DDX46: variants seen among roughly 807,000 people sequenced by gnomAD.
DDX46 encodes the protein probable ATP-dependent RNA helicase DDX46.
A neutral mutation model predicts 134.9 loss-of-function variants in DDX46; 30 were observed. That is an observed-to-expected ratio of 0.22 (90% CI 0.17 to 0.30). DDX46 has a LOEUF of 0.30. Among genes scored for constraint, DDX46 ranks in the 10% least tolerant of loss-of-function variants. DDX46 has a pLI of 1.00. For missense variants in DDX46, 622 were observed against 1,248.7 expected (o/e 0.50, Z 7.56); for synonymous variants, 415 against 404.1 (o/e 1.03, Z -0.32).
intron 12 of DDX46, chr5:134,790,079 T>C (rs1267091203): frequency 2.2e-6 from 1 of 460,108 alleles, no homozygotes; most frequent in Non-Finnish European, 4.4e-6. Flanking sequence ...ACACATACGC[T>C]GTAATCTCTA....
intron 15 of DDX46, chr5:134,797,296 C>G (rs759341290): frequency 4.0e-5 from 8 of 202,116 alleles, no homozygotes; most frequent in Non-Finnish European, 7.1e-5. Flanking sequence ...AATTTAGTTG[C>G]AATAGTTACT....
chr5:134,780,098 ATGTG>A (rs71583216), intron 6 of DDX46, among the ~76,000 whole-genome samples: 7,092 of 139,472 alleles, frequency 0.051, 160 homozygotes, highest in East Asian at 0.069. Context: ...AAAAAAATAT[ATGTG>A]TGTGTGTGTG....
chr5:134,779,928 A>G (rs1469271154), intron 6 of DDX46, among the ~76,000 whole-genome samples: 1 of 152,188 alleles, frequency 6.6e-6, no homozygotes, highest in African/African-American at 2.4e-5. Context: ...GCAAAATGCC[A>G]TCTCTACTAA....
At chr5:134,788,489 A>G (rs764955990) in intron 11 of DDX46, 24 bp from the exon 12 acceptor site, 190 of 1,599,054 alleles carry the variant, frequency 1.2e-4, no homozygotes, top group South Asian at 1.0e-3. Flanking sequence ...GTAATAGACT[A>G]TAAAGTTTCA....
intron 22 of DDX46, among the ~76,000 whole-genome samples, chr5:134,828,074 T>C (rs1201513907): frequency 6.6e-6 from 1 of 152,228 alleles, no homozygotes; most frequent in Non-Finnish European, 1.5e-5. Context: ...GAAAAAGCCC[T>C]TTACAGACTG....
chr5:134,760,428 G>C (rs962165928), intron 1 of DDX46, among the ~76,000 whole-genome samples: 18 of 152,178 alleles, frequency 1.2e-4, no homozygotes, highest in African/African-American at 4.3e-4. Context: ...AGAAGTAGTA[G>C]GAGGTAGGTC....
rs1755687633 is a variant in DDX46, at chr5:134,829,838, A to T, written c.*1132A>T. On this transcript the variant is annotated 3_prime_UTR_variant, in exon 23 of 23. Coordinates refer to ENST00000452510, the MANE Select transcript of DDX46 (RefSeq NM_001300860.2). Reference sequence around the variant, plus strand: ...GTCGGCATGGTGGTGGGTGGCTGTAATCCCAGCTACTCAGGAGGCTGAGGC... The same window carrying T: ...GTCGGCATGGTGGTGGGTGGCTGTATTCCCAGCTACTCAGGAGGCTGAGGC... 6.6e-6 allele frequency: 1 copy of T among 152,006 alleles called. No homozygotes were observed. The highest frequency in any genetic ancestry group is 2.4e-5 in the African/African-American group (1 of 41,334). The allele number at this position is 152,006 out of a possible 1,614,324, so 9.4% of individuals were successfully genotyped here. A position where few individuals can be genotyped will look rare whatever the true frequency, so the allele number is the denominator to read the frequency against.
At chr5:134,773,999 G>C (rs1054447510) in intron 5 of DDX46, 138 bp downstream of exon 5, 2 of 968,344 alleles carry the variant, frequency 2.1e-6, no homozygotes, top group Non-Finnish European at 2.9e-6. Flanking sequence ...ATCATTTTCA[G>C]GTTTCAATTC....
intron 14 of DDX46, among the ~76,000 whole-genome samples, 193 bp downstream of exon 14, chr5:134,795,207 T>G (rs914517167): frequency 9.8e-5 from 14 of 143,508 alleles, no homozygotes; most frequent in Admixed American, 6.8e-4. Flanking sequence ...AATGCTTGTT[T>G]TTTTTTTTTT....
chr5:134,776,589 C>G (rs903584455), intron 5 of DDX46, among the ~76,000 whole-genome samples: 11 of 152,004 alleles, frequency 7.2e-5, no homozygotes, highest in Non-Finnish European at 1.6e-4. Flanking sequence ...CCATGCAGTT[C>G]AAACCTATGT....
At chr5:134,811,434 C>G in intron 17 of DDX46, 76 bp downstream of exon 17, 2 of 1,533,192 alleles carry the variant, frequency 1.3e-6, no homozygotes, top group Non-Finnish European at 1.8e-6. Flanking sequence ...TCTTGGAAAT[C>G]TTTTATTTAA....
intron 13 of DDX46, among the ~76,000 whole-genome samples, chr5:134,791,097 C>T (rs980520540): frequency 1.3e-5 from 2 of 152,214 alleles, no homozygotes; most frequent in South Asian, 2.1e-4. Context: ...GGATTACAGG[C>T]GTGAGCCACT....
intron 7 of DDX46, 37 bp downstream of exon 7, chr5:134,781,283 A>C (rs1012105175): frequency 6.8e-7 from 1 of 1,472,104 alleles, no homozygotes; most frequent in Non-Finnish European, 9.3e-7. Flanking sequence ...TTATGATACT[A>C]TCCTGGAAGC....
At chr5:134,780,783 A>C (rs1754127913) in intron 6 of DDX46, 1 of 153,724 alleles carries the variant, frequency 6.5e-6, no homozygotes, top group South Asian at 2.0e-4. Context: ...CAATCCCAGA[A>C]CTTTGGTAGG....
At chr5:134,825,060 CAAG>C (rs1291850361) in intron 21 of DDX46, among the ~76,000 whole-genome samples, 1 of 152,130 alleles carries the variant, frequency 6.6e-6, no homozygotes, top group Non-Finnish European at 1.5e-5. Flanking sequence ...TAACCTATTA[CAAG>C]AAGTTACATA....
intron 21 of DDX46, chr5:134,825,668 T>G (rs1224689270): frequency 1.1e-4 from 16 of 152,122 alleles, no homozygotes; most frequent in Admixed American, 1.0e-3. Context: ...TTTTCTCTTC[T>G]CAGTGTGCAA....
intron 16 of DDX46, among the ~76,000 whole-genome samples, chr5:134,810,573 C>G (rs1367877500): frequency 6.6e-6 from 1 of 150,596 alleles, no homozygotes; most frequent in African/African-American, 2.4e-5. Context: ...GACCTTCTGA[C>G]CTCAAATGAT....
chr5:134,765,829 G>T (rs866116828), intron 2 of DDX46, among the ~76,000 whole-genome samples: 5 of 152,174 alleles, frequency 3.3e-5, no homozygotes, highest in African/African-American at 1.2e-4. Flanking sequence ...ATATTCACCC[G>T]TGACAATGTG....
intron 7 of DDX46, 49 bp from the exon 8 acceptor site, chr5:134,781,872 G>A (rs193046540): frequency 1.4e-4 from 219 of 1,547,734 alleles, no homozygotes; most frequent in Non-Finnish European, 1.8e-4. Context: ...TCCCACAAGG[G>A]GAAAATAGTA....
Sources: gnomAD v4.1 joint callset for allele counts (sites outside exome capture counted in the v4.1 genomes callset) on GRCh38, gnomAD v4.1.1 for gene constraint, MANE v1.5 for transcripts, NCBI Gene and HGNC (gene_info 2026-07-23, HGNC 2026-07-21) for gene names.